LIMD1: variants seen among roughly 807,000 people sequenced by gnomAD.
LIMD1 encodes the protein LIM domain-containing protein 1.
In LIMD1, 23 loss-of-function variants were observed where a neutral mutation model predicts 58.4. The ratio of observed to expected loss-of-function variants is 0.39; its 90% confidence interval spans 0.28 to 0.56. The LOEUF (loss-of-function observed/expected upper bound fraction) is 0.56, where lower values mean the gene tolerates loss of function less well. LIMD1 is among the 20% of genes least tolerant of loss of function. LIMD1 has a pLI of 0.57. For synonymous variants in LIMD1, 334 were observed against 345.5 expected (o/e 0.97, Z 0.37); for missense variants, 838 against 855.5 (o/e 0.98, Z 0.25).
intron 1 of LIMD1, among the ~76,000 whole-genome samples, chr3:45,618,704 C>T (rs1025960592): frequency 2.6e-5 from 4 of 152,156 alleles, no homozygotes; most frequent in Admixed American, 2.0e-4. Flanking sequence ...CTGTGAGATG[C>T]ATTTATTGTC....
At chr3:45,629,399 A>G (rs1701704378) in intron 1 of LIMD1, among the ~76,000 whole-genome samples, 1 of 146,076 alleles carries the variant, frequency 6.8e-6, no homozygotes, top group African/African-American at 2.6e-5. Flanking sequence ...GGTGACAAAG[A>G]AGACTCTTGT....
Position 45,594,778 on chromosome 3 carries a change from AACACACACACACACACACACACAC to A in LIMD1, c.-59_-36del, listed in dbSNP as rs57091993. 0.18 allele frequency: 133,896 copies of A among 725,642 alleles called. 8,030 individuals are homozygous for A. Among genetic ancestry groups the A allele is most frequent in the East Asian group, 0.37 (13,256 of 35,662 alleles). 45.0% of individuals were successfully genotyped at this position (725,642 alleles called of 1,614,324 possible). On this transcript the variant is annotated 5_prime_UTR_variant, in exon 1 of 8. Coordinates refer to ENST00000273317, the MANE Select transcript of LIMD1 (RefSeq NM_014240.3). The stretch of plus-strand genomic sequence containing the variant: ...TCGCCAGCATCTCCCCGCTGCCCTC[AACACACACACACACACACACACAC>A]ACACACACACACACACACACACACA...
At chr3:45,605,968 T>C (rs1701464406) in intron 1 of LIMD1, among the ~76,000 whole-genome samples, 1 of 152,200 alleles carries the variant, frequency 6.6e-6, no homozygotes, top group Non-Finnish European at 1.5e-5. Context: ...TGCTGTGGGC[T>C]CCGTGGATGC....
intron 2 of LIMD1, among the ~76,000 whole-genome samples, chr3:45,648,024 G>A (rs1026606819): frequency 6.6e-6 from 1 of 152,162 alleles, no homozygotes; most frequent in Admixed American, 6.5e-5. Flanking sequence ...TCATTTGCCT[G>A]TCCTATGGTG....
Position 45,595,047 on chromosome 3 carries a change from C to T in LIMD1, c.168C>T (p.His56=), listed in dbSNP as rs774358328. 8 of 1,613,716 alleles carry T rather than the reference C, an allele frequency of 5.0e-6. No homozygotes were observed. In the East Asian group the frequency reaches 1.3e-4, roughly 27 times the overall value. The change falls in exon 1 of 8, where the codon CAC becomes CAT. Residue 56 remains histidine (H), a synonymous_variant. Coordinates refer to ENST00000273317, the MANE Select transcript of LIMD1 (RefSeq NM_014240.3). ...TCGCCACCAAGATGGCCAAAATCCA[C>T]CTCCAGCAGCAGCAGCAGCAGCTCC... ...RVFATKMAKI[H]LQQQQQQLLQ...
chr3:45,607,642 T>C (rs1013549792), intron 1 of LIMD1, among the ~76,000 whole-genome samples: 4 of 151,792 alleles, frequency 2.6e-5, no homozygotes, highest in African/African-American at 7.3e-5. Flanking sequence ...TCTGGAAGGA[T>C]AGTGACTGAG....
chr3:45,657,581 G>C (rs1575362496), intron 2 of LIMD1, among the ~76,000 whole-genome samples: 1 of 150,444 alleles, frequency 6.6e-6, no homozygotes, highest in African/African-American at 2.4e-5. Flanking sequence ...TTTCCTGGCA[G>C]AAGAGAGAAA....
intron 1 of LIMD1, among the ~76,000 whole-genome samples, chr3:45,621,369 A>G (rs543470505): frequency 6.6e-6 from 1 of 152,200 alleles, no homozygotes; most frequent in African/African-American, 2.4e-5. Flanking sequence ...GGCTGGGTCT[A>G]CAGGCATGTA....
At chr3:45,599,765 C>T (rs1451727705) in intron 1 of LIMD1, among the ~76,000 whole-genome samples, 1 of 152,162 alleles carries the variant, frequency 6.6e-6, no homozygotes, top group Non-Finnish European at 1.5e-5. Context: ...TGTGGGGCTG[C>T]GTGGTTTGTG....
chr3:45,627,136 G>C (rs1338957219), intron 1 of LIMD1, among the ~76,000 whole-genome samples: 1 of 152,052 alleles, frequency 6.6e-6, no homozygotes, highest in Non-Finnish European at 1.5e-5. Flanking sequence ...ACATTTCTCT[G>C]TGCGTAGGGG....
chr3:45,673,884 TCCAAAAAAAAAAAA>T lies in LIMD1; in HGVS notation c.1824+390_1824+403del, dbSNP rs900993306. On this transcript the variant is annotated intron_variant, in intron 6 of 7. Coordinates refer to ENST00000273317, the MANE Select transcript of LIMD1 (RefSeq NM_014240.3). ...CAGCAGGTGACAGCAAGACCTTGTC[TCCAAAAAAAAAAAA>T]CCAAAAAAAACCCCACTTCACCTTT... 28 of 240,994 alleles carry T rather than the reference TCCAAAAAAAAAAAA, an allele frequency of 1.2e-4. No individual in the cohort carries two copies. In the Middle Eastern group the frequency reaches 6.8e-3, roughly 58 times the overall value. 14.9% of individuals were successfully genotyped at this position (240,994 alleles called of 1,614,324 possible).
At chr3:45,638,500 G>A (rs1391888461) in intron 2 of LIMD1, among the ~76,000 whole-genome samples, 2 of 152,180 alleles carry the variant, frequency 1.3e-5, no homozygotes, top group African/African-American at 4.8e-5. Context: ...TTTTATGGCT[G>A]TGTAGTATTC....
In LIMD1 at chr3:45,620,374, A is replaced by G. The variant is rs1453532360; in HGVS notation, c.1409-15776A>G. ...AAGTCCTTAATGATGATATAAATACATAAGTGGGGAGAAGGGAAAACTTTT... is the reference window on the plus strand; with the variant it reads ...AAGTCCTTAATGATGATATAAATACGTAAGTGGGGAGAAGGGAAAACTTTT... On this transcript the variant is annotated intron_variant, in intron 1 of 7. Coordinates refer to ENST00000273317, the MANE Select transcript of LIMD1 (RefSeq NM_014240.3). Among the ~76,000 whole-genome samples the G allele has an allele frequency of 2.6e-5, 4 of 152,376 alleles. No individual in the cohort carries two copies. The East Asian group carries it at 5.8e-4, about 22-fold the overall frequency.
intron 2 of LIMD1, among the ~76,000 whole-genome samples, chr3:45,652,754 G>A (rs571965371): frequency 1.6e-4 from 24 of 152,258 alleles, no homozygotes; most frequent in Non-Finnish European, 3.1e-4. Flanking sequence ...CTCTGACTTT[G>A]GTTAGTTTCC....
intron 2 of LIMD1, among the ~76,000 whole-genome samples, chr3:45,644,845 C>T (rs1370721755): frequency 6.6e-6 from 1 of 152,142 alleles, no homozygotes; most frequent in Non-Finnish European, 1.5e-5. Context: ...GATTTTTGGC[C>T]ACCCTCGAGT....
intron 2 of LIMD1, among the ~76,000 whole-genome samples, chr3:45,640,994 G>A (rs1425496549): frequency 6.6e-6 from 1 of 152,192 alleles, no homozygotes. Context: ...GAGGTGACTT[G>A]TCTTTTTTCA....
intron 3 of LIMD1, among the ~76,000 whole-genome samples, chr3:45,666,627 C>A (rs906321923): frequency 6.6e-6 from 1 of 152,144 alleles, no homozygotes; most frequent in Non-Finnish European, 1.5e-5. Flanking sequence ...AATGGAGGAG[C>A]TCTTCTGTGC....
chr3:45,683,199 A>G lies in LIMD1; in HGVS notation c.*6140A>G, dbSNP rs985102270. 1 of 152,296 alleles carries G rather than the reference A, an allele frequency of 6.6e-6. No individual in the cohort carries two copies. The highest frequency in any genetic ancestry group is 1.5e-5 in the Non-Finnish European group (1 of 68,080). The allele number at this position is 152,296 out of a possible 1,614,324, so 9.4% of individuals were successfully genotyped here. A position where few individuals can be genotyped will look rare whatever the true frequency, so the allele number is the denominator to read the frequency against. On this transcript the variant is annotated 3_prime_UTR_variant, in exon 8 of 8. Transcript: ENST00000273317. ...CAAAGCCTCTTTTACCTTGCAGAAT[A>G]AGATATTCACAGGTTCTGGTGAGGA...
chr3:45,623,244 A>C (rs1701643284), intron 1 of LIMD1, among the ~76,000 whole-genome samples: 1 of 152,146 alleles, frequency 6.6e-6, no homozygotes, highest in Non-Finnish European at 1.5e-5. Context: ...GAGAGACTCG[A>C]AGTTAAGACC....
Sources: gnomAD v4.1 joint callset for allele counts (sites outside exome capture counted in the v4.1 genomes callset) on GRCh38, gnomAD v4.1.1 for gene constraint, MANE v1.5 for transcripts, NCBI Gene and HGNC (gene_info 2026-07-23, HGNC 2026-07-21) for gene names.